Variants in MED13L observed in about 807,000 individuals in gnomAD.
MED13L encodes mediator complex subunit 13L, also known as mediator of RNA polymerase II transcription subunit 13-like.
A neutral mutation model predicts 220.9 loss-of-function variants in MED13L; 7 were observed. The observed-to-expected ratio is 0.03, with a 90% CI of 0.02 to 0.06. The LOEUF (loss-of-function observed/expected upper bound fraction) is 0.06, where lower values mean the gene tolerates loss of function less well. MED13L is among the 10% of genes least tolerant of loss of function. The pLI is 1.00. For synonymous variants in MED13L, 1,011 were observed against 1,015.2 expected, an observed-to-expected ratio of 1.00 and a Z score of 0.08; for missense variants, 1,965 against 2,760.5, an observed-to-expected ratio of 0.71 and a Z score of 6.46.
chr12:115,991,197 T>C lies in MED13L; in HGVS notation c.3757A>G (p.Thr1253Ala). ...LDYISSNNRQ[T>A]LPCVSWSYDR... ...TAACTCCAGCTTACACAGGGAAGAG[T>C]TTGGCGATTGTTAGAGGAAATGTAG... Residue 1253 changes from threonine (T) to alanine (A), a missense_variant, in exon 17 of 31, where the codon ACT (threonine) becomes GCT (alanine). Transcript: ENST00000281928. This position sits in a 1 kb window ranked among gnomAD's most constrained non-coding sequence, Gnocchi z 7.7. 5.6e-6 allele frequency: 9 copies of C among 1,614,052 alleles called. No individual in the cohort carries two copies. Among genetic ancestry groups the C allele is most frequent in the Non-Finnish European group, 6.8e-6 (8 of 1,180,008 alleles).
intron 22 of MED13L, chr12:115,982,032 C>T (rs149196027): frequency 6.2e-4 from 128 of 207,054 alleles, no homozygotes; most frequent in African/African-American, 2.6e-3. Flanking sequence ...TGGAAAATTC[C>T]GTTATCAGAC....
At chr12:116,190,879 G>C (rs528538028) in intron 2 of MED13L, among the ~76,000 whole-genome samples, 1 of 152,016 alleles carries the variant, frequency 6.6e-6, no homozygotes, top group Non-Finnish European at 1.5e-5. Flanking sequence ...ATCACCTGAG[G>C]TCAGAAGTTC....
intron 2 of MED13L, among the ~76,000 whole-genome samples, chr12:116,150,533 G>A (rs1202512793): frequency 1.3e-5 from 2 of 152,112 alleles, no homozygotes; most frequent in Non-Finnish European, 2.9e-5. Flanking sequence ...CTTCCATTCT[G>A]CTCTCGTGTT....
chr12:116,194,141 T>C (rs1593151711), intron 2 of MED13L, among the ~76,000 whole-genome samples: 1 of 152,104 alleles, frequency 6.6e-6, no homozygotes, highest in South Asian at 2.1e-4. Flanking sequence ...AACAAAAAAA[T>C]AACCCTGTCT....
rs924630442 is a variant in MED13L, at chr12:116,243,398, T to C, written c.73-5693A>G. On this transcript the variant is annotated intron_variant, in intron 1 of 30. Transcript: ENST00000281928. ...CCAATAATGGAACATTAGGCATAAA[T>C]GGGTTAAGTGGCAGATACTCCCCTG... Among the ~76,000 whole-genome samples, 4 of 152,202 alleles carry C rather than the reference T, an allele frequency of 2.6e-5. No homozygotes were observed. In the South Asian group the frequency reaches 8.3e-4, roughly 32 times the overall value.
At chr12:116,156,858 C>G (rs749022276) in intron 2 of MED13L, among the ~76,000 whole-genome samples, 2 of 152,118 alleles carry the variant, frequency 1.3e-5, no homozygotes, top group Non-Finnish European at 2.9e-5. Flanking sequence ...GATGTGGACA[C>G]ACAATGTGGC....
intron 4 of MED13L, among the ~76,000 whole-genome samples, chr12:116,081,083 G>A (rs975494459): frequency 4.6e-5 from 7 of 152,322 alleles, no homozygotes; most frequent in East Asian, 1.9e-4. Context: ...TTTGTGGATA[G>A]TAGAAACAGT....
chr12:116,021,698 C>A (rs1393129873), intron 5 of MED13L, among the ~76,000 whole-genome samples: 3 of 152,094 alleles, frequency 2.0e-5, no homozygotes, highest in Non-Finnish European at 4.4e-5. Context: ...CTATTTCAAC[C>A]AGTCATCTCT....
intron 2 of MED13L, among the ~76,000 whole-genome samples, chr12:116,212,383 AT>A (rs1473041978): frequency 6.6e-6 from 1 of 152,208 alleles, no homozygotes; most frequent in Non-Finnish European, 1.5e-5. Flanking sequence ...TCCTGTTTGA[AT>A]AAAAGTAACT....
intron 2 of MED13L, among the ~76,000 whole-genome samples, chr12:116,199,983 T>C (rs1188568507): frequency 4.6e-5 from 7 of 151,690 alleles, no homozygotes; most frequent in Non-Finnish European, 2.9e-5. Flanking sequence ...CCAAAATACA[T>C]TGTCATGGTT....
chr12:116,231,566 T>C (rs1040918881), intron 2 of MED13L, among the ~76,000 whole-genome samples: 1 of 152,184 alleles, frequency 6.6e-6, no homozygotes, highest in African/African-American at 2.4e-5. Context: ...GTGATCCTGA[T>C]TGCATTCTGG....
intron 2 of MED13L, among the ~76,000 whole-genome samples, chr12:116,189,420 G>A (rs536369720): frequency 3.3e-5 from 5 of 151,832 alleles, no homozygotes; most frequent in African/African-American, 4.8e-5. Context: ...TCAGACATGC[G>A]GTCTGCAAAT....
At position 116,222,700 on chromosome 12, in the gene MED13L, G is replaced by A. The variant is rs564940319; in HGVS notation, c.310+14768C>T. 5.8e-4 allele frequency among the ~76,000 whole-genome samples: 88 copies of A among 152,284 alleles called. 1 individual carries two copies. Among genetic ancestry groups the A allele is most frequent in the Admixed American group, 2.0e-3 (31 of 15,288 alleles). On this transcript the variant is annotated intron_variant, in intron 2 of 30. Coordinates refer to ENST00000281928, the MANE Select transcript of MED13L (RefSeq NM_015335.5). ...GTGAGTGTGTTTGCAAGCATCGTTG[G>A]AGAAGATGTACCTTGTTTAACATGT...
chr12:116,047,344 C>T (rs1409825434), intron 4 of MED13L, among the ~76,000 whole-genome samples: 1 of 152,150 alleles, frequency 6.6e-6, no homozygotes, highest in Non-Finnish European at 1.5e-5. Flanking sequence ...AGAGAAAGAG[C>T]CTGTCTTCAA....
chr12:116,277,018 CCTT>C, intron 1 of MED13L, 39 bp downstream of exon 1: 4 of 1,408,584 alleles, frequency 2.8e-6, no homozygotes, highest in Non-Finnish European at 3.9e-6. Flanking sequence ...GGACCCCCCC[CCTT>C]CCCCGGCACA....
intron 5 of MED13L, among the ~76,000 whole-genome samples, chr12:116,021,275 A>G (rs1219014162): frequency 1.3e-5 from 2 of 152,284 alleles, no homozygotes; most frequent in East Asian, 1.9e-4. Flanking sequence ...CCAACATTGA[A>G]GATTAGAAAT....
chr12:116,214,060 T>TG (rs1001389398), intron 2 of MED13L, among the ~76,000 whole-genome samples: 3 of 152,214 alleles, frequency 2.0e-5, no homozygotes, highest in Non-Finnish European at 2.9e-5. Flanking sequence ...ACTCTGCCTA[T>TG]GGGGTAGCCC....
intron 2 of MED13L, among the ~76,000 whole-genome samples, chr12:116,160,984 G>A (rs576907719): frequency 6.6e-6 from 1 of 152,190 alleles, no homozygotes; most frequent in Admixed American, 6.5e-5. Context: ...AATTTATGAA[G>A]AAAATAAACG....
chr12:116,264,746 A>G (rs1355177938), intron 1 of MED13L, among the ~76,000 whole-genome samples: 1 of 152,116 alleles, frequency 6.6e-6, no homozygotes, highest in Admixed American at 6.5e-5. Context: ...TGATGCTCCA[A>G]AGTCAACAAA....
Sources: allele counts gnomAD v4.1 joint callset (sites outside exome capture counted in the v4.1 genomes callset), GRCh38; gene constraint gnomAD v4.1.1; non-coding constraint Gnocchi (gnomAD v3.1); transcripts MANE v1.5; gene names NCBI Gene and HGNC (gene_info 2026-07-23, HGNC 2026-07-21).